The following RBFOX2 variants were observed in gnomAD, a reference collection of about 807,000 sequenced individuals.
The protein encoded by RBFOX2 is RNA binding fox-1 homolog 2, also known as RNA binding protein fox-1 homolog 2.
Under a neutral mutation model 49.1 loss-of-function variants are expected in RBFOX2, and 10 were observed. That is an observed-to-expected ratio of 0.20 (90% confidence interval 0.13 to 0.35). The LOEUF (loss-of-function observed/expected upper bound fraction) is 0.35. Ranked by LOEUF, RBFOX2 falls within the 10% of genes least tolerant of loss-of-function variation. RBFOX2 has a pLI of 1.00. For synonymous variants in RBFOX2, 183 were observed against 187.4 expected, an observed-to-expected ratio of 0.98 and a Z score of 0.19; for missense variants, 323 against 486.9, an observed-to-expected ratio of 0.66 and a Z score of 3.17.
chr22:35,827,394 T>A (rs1955982150), intron 1 of RBFOX2, among the ~76,000 whole-genome samples: 1 of 152,240 alleles, frequency 6.6e-6, no homozygotes, highest in Non-Finnish European at 1.5e-5. Context: ...TATAAAAACA[T>A]GGAAACTCTG....
At chr22:35,946,571 C>A (rs2054298058) in intron 1 of RBFOX2, among the ~76,000 whole-genome samples, 1 of 152,118 alleles carries the variant, frequency 6.6e-6, no homozygotes, top group African/African-American at 2.4e-5. Context: ...CCTTCCCAAC[C>A]CCCACGTCTA....
chr22:36,018,723 C>T (rs1422387588), intron 1 of RBFOX2, among the ~76,000 whole-genome samples: 1 of 152,248 alleles, frequency 6.6e-6, no homozygotes, highest in African/African-American at 2.4e-5. Context: ...AAACAATTCT[C>T]CTGCCTCAGC....
intron 1 of RBFOX2, among the ~76,000 whole-genome samples, chr22:35,907,766 C>G (rs1328722325): frequency 1.3e-5 from 2 of 152,050 alleles, no homozygotes; most frequent in Non-Finnish European, 2.9e-5. Context: ...TTGTGCTCAG[C>G]CTCCCAAGTA....
At chr22:35,931,532 T>C (rs951717319) in intron 1 of RBFOX2, among the ~76,000 whole-genome samples, 2 of 152,116 alleles carry the variant, frequency 1.3e-5, no homozygotes, top group Non-Finnish European at 2.9e-5. Context: ...CCCAGCACTT[T>C]GGGAGGTTGA....
intron 1 of RBFOX2, among the ~76,000 whole-genome samples, chr22:36,009,956 C>T (rs1330351445): frequency 6.6e-6 from 1 of 152,186 alleles, no homozygotes; most frequent in Non-Finnish European, 1.5e-5. Context: ...CTTTCCTATG[C>T]TGGTACTTCT....
exon 12 of RBFOX2, chr22:35,738,800 T>C (rs1196198126): frequency 6.6e-6 from 1 of 152,476 alleles, no homozygotes; most frequent in Non-Finnish European, 1.5e-5. Flanking sequence ...GAGGCAGTGC[T>C]CCTCCTTCGC....
At chr22:35,957,297 A>G (rs2055679782) in intron 1 of RBFOX2, among the ~76,000 whole-genome samples, 1 of 152,172 alleles carries the variant, frequency 6.6e-6, no homozygotes, top group Admixed American at 6.5e-5. Context: ...TGTTAACAAT[A>G]ATAATAAGAA....
intron 1 of RBFOX2, among the ~76,000 whole-genome samples, chr22:35,944,420 C>A (rs1482961754): frequency 6.6e-6 from 1 of 151,940 alleles, no homozygotes; most frequent in African/African-American, 2.4e-5. Context: ...AGAATACTGG[C>A]AAAATTACAA....
intron 1 of RBFOX2, among the ~76,000 whole-genome samples, chr22:35,953,647 A>C (rs1169367471): frequency 2.0e-5 from 3 of 152,210 alleles, no homozygotes; most frequent in African/African-American, 7.2e-5. Flanking sequence ...TTAAAAGTTT[A>C]ATTTTATGTT....
chr22:35,890,475 C>G (rs926208035), intron 1 of RBFOX2, among the ~76,000 whole-genome samples: 4 of 152,164 alleles, frequency 2.6e-5, no homozygotes, highest in Admixed American at 2.6e-4. Context: ...AATGTGGTTT[C>G]TTTATCTCTC....
chr22:35,781,606 C>T, exon 3 of RBFOX2: 1 of 1,613,954 alleles, frequency 6.2e-7, no homozygotes, highest in Non-Finnish European at 8.5e-7. Flanking sequence ...TTACCCCAAA[C>T]ATCTGCCGGA....
At chr22:35,751,861 A>C (rs1286038081) in intron 9 of RBFOX2, among the ~76,000 whole-genome samples, 1 of 152,226 alleles carries the variant, frequency 6.6e-6, no homozygotes, top group Non-Finnish European at 1.5e-5. Context: ...ATTTTCAATA[A>C]TCAAACCTTT....
In RBFOX2 at chr22:35,971,905, T is replaced by A. The variant is rs188167595; in HGVS notation, c.187-33008A>T. ...CCTAGCAGCCTTTCCTTTTTTCTTTTTCTCCCTAAAAAAAAAAAAAAAAAA... is the reference window on the plus strand; with the variant it reads ...CCTAGCAGCCTTTCCTTTTTTCTTTATCTCCCTAAAAAAAAAAAAAAAAAA... On this transcript the variant is annotated intron_variant, in intron 1 of 13. Transcript: ENST00000438146. 9.0e-3 allele frequency among the ~76,000 whole-genome samples: 1,279 copies of A among 142,028 alleles called. 11 individuals are homozygous for A. The highest frequency in any genetic ancestry group is 0.014 in the Non-Finnish European group (920 of 65,310). The allele number at this position is 142,028 out of a possible 152,430, so 93.2% of individuals were successfully genotyped here. A position where few individuals can be genotyped will look rare whatever the true frequency, so the allele number is the denominator to read the frequency against.
At chr22:35,903,843 G>A (rs1462416162) in intron 1 of RBFOX2, among the ~76,000 whole-genome samples, 1 of 151,956 alleles carries the variant, frequency 6.6e-6, no homozygotes, top group Non-Finnish European at 1.5e-5. Context: ...CATTTCCATT[G>A]TTGCTCCCTT....
intron 2 of RBFOX2, among the ~76,000 whole-genome samples, chr22:35,794,381 G>A (rs1222806515): frequency 7.2e-5 from 11 of 152,086 alleles, no homozygotes; most frequent in East Asian, 1.9e-4. Context: ...TTTTTAGGCC[G>A]TGCGCGGTGG....
intron 1 of RBFOX2, among the ~76,000 whole-genome samples, chr22:35,870,104 A>T (rs2044179431): frequency 6.6e-6 from 1 of 152,246 alleles, no homozygotes; most frequent in Non-Finnish European, 1.5e-5. Flanking sequence ...GGTTCAAAAT[A>T]GTAGTCTATA....
rs1026744359 is a variant in RBFOX2 at position 35,856,497 on chromosome 22, T to C, written c.-33-46493A>G. On this transcript the variant is annotated intron_variant, in intron 1 of 13. Transcript: ENST00000359369. ...AATGCTTTAGCAAAGATTGCCGAGA[T>C]TTCTGCCTGAGGTATAAATTTGGTT... Among the ~76,000 whole-genome samples the C allele has an allele frequency of 2.0e-5, 3 of 152,114 alleles. 1 individual carries two copies. Among genetic ancestry groups the C allele is most frequent in the African/African-American group, 7.2e-5 (3 of 41,422 alleles).
chr22:35,802,829 C>T (rs560960903), intron 2 of RBFOX2, among the ~76,000 whole-genome samples: 27 of 152,230 alleles, frequency 1.8e-4, no homozygotes, highest in Admixed American at 1.4e-3. Flanking sequence ...GGCTGTGAAA[C>T]TACATGGATG....
intron 1 of RBFOX2, among the ~76,000 whole-genome samples, chr22:35,989,446 C>T (rs894278289): frequency 2.0e-5 from 3 of 151,712 alleles, no homozygotes; most frequent in South Asian, 4.2e-4. Flanking sequence ...TGGATGTAGT[C>T]GCAAGGGGGT....
Sources: gnomAD v4.1 joint callset for allele counts (sites outside exome capture counted in the v4.1 genomes callset) on GRCh38, gnomAD v4.1.1 for gene constraint, MANE v1.5 for transcripts, NCBI Gene and HGNC (gene_info 2026-07-23, HGNC 2026-07-21) for gene names.